MFSD2B: variants seen among roughly 807,000 people sequenced by gnomAD.
The protein encoded by MFSD2B is sphingosine-1-phosphate transporter MFSD2B.
Under a neutral mutation model 58.4 loss-of-function variants are expected in MFSD2B, and 56 were observed. That is an observed-to-expected ratio of 0.96 (90% CI 0.77 to 1.20). The LOEUF is 1.20. Ranked by LOEUF, MFSD2B falls within the 50% of genes most tolerant of loss-of-function variation. The pLI, the probability that MFSD2B is intolerant of heterozygous loss-of-function variation, is 0.00. For synonymous variants in MFSD2B, 287 were observed against 294.4 expected, an observed-to-expected ratio of 0.97 and a Z score of 0.26; for missense variants, 645 against 667.6, an observed-to-expected ratio of 0.97 and a Z score of 0.37.
rs547855112 is a variant in MFSD2B, at chr2:24,017,611, C to G, written c.681+23C>G. On this transcript the variant is annotated intron_variant, in intron 6 of 13. Transcript: ENST00000338315. The surrounding 1 kb of genome is among the most constrained non-coding windows in gnomAD (Gnocchi z 4.8). ...GCAGTAAGTGCACTGGGTGGCAAGGCCCCCCAACCTGGGGTCCCCTCTGCA... is the reference window on the plus strand; with the variant it reads ...GCAGTAAGTGCACTGGGTGGCAAGGGCCCCCAACCTGGGGTCCCCTCTGCA... The G allele has an allele frequency of 2.0e-6, 3 of 1,530,950 alleles. No homozygotes were observed. The highest frequency in any genetic ancestry group is 2.5e-5 in the South Asian group (2 of 81,162). 94.8% of individuals were successfully genotyped at this position (1,530,950 alleles called of 1,614,324 possible).
At position 24,025,604 on chromosome 2, in the gene MFSD2B, G is replaced by A. The variant is rs77944820; in HGVS notation, c.*148G>A. 0.076 allele frequency: 54,620 copies of A among 723,360 alleles called. 2,421 individuals carry two copies. Among genetic ancestry groups the A allele is most frequent in the South Asian group, 0.13 (8,015 of 60,016 alleles). The allele number at this position is 723,360 out of a possible 1,614,324, so 44.8% of individuals were successfully genotyped here. A position where few individuals can be genotyped will look rare whatever the true frequency, so the allele number is the denominator to read the frequency against. On this transcript the variant is annotated 3_prime_UTR_variant, in exon 14 of 14. Coordinates refer to ENST00000338315, the MANE Select transcript of MFSD2B (RefSeq NM_001346880.2). ...GGAGTCTTCGGCAACGTGTCCTGAAGGGACTGGCCCGCACTCCAGGACCCC... is the reference window on the plus strand; with the variant it reads ...GGAGTCTTCGGCAACGTGTCCTGAAAGGACTGGCCCGCACTCCAGGACCCC...
intron 1 of MFSD2B, chr2:24,013,083 T>G: frequency 2.4e-6 from 1 of 411,568 alleles, no homozygotes; most frequent in Non-Finnish European, 4.2e-6. Flanking sequence ...CCCCTGGAAA[T>G]GTTTAGAGGT....
rs1662797992 is a variant in MFSD2B at position 24,021,741 on chromosome 2, A to G, written c.772+3A>G. The G allele has an allele frequency of 6.2e-7, 1 of 1,613,214 alleles. No homozygotes were observed. Among genetic ancestry groups the G allele is most frequent in the Non-Finnish European group, 8.5e-7 (1 of 1,179,572 alleles). On this transcript the variant is annotated splice_donor_region_variant and intron_variant, in intron 7 of 13. Coordinates refer to ENST00000338315, the MANE Select transcript of MFSD2B (RefSeq NM_001346880.2). This position sits in a 1 kb window ranked among gnomAD's most constrained non-coding sequence, Gnocchi z 5.7. ...CCTAGGGGTGAAGGAGCGGCCAGGTATGGGGTTTGGTGAGGAGGGAAGCAG... is the reference window on the plus strand; with the variant it reads ...CCTAGGGGTGAAGGAGCGGCCAGGTGTGGGGTTTGGTGAGGAGGGAAGCAG...
At chr2:24,013,669 T>C (rs1053467519) in intron 2 of MFSD2B, among the ~76,000 whole-genome samples, 2 of 151,968 alleles carry the variant, frequency 1.3e-5, no homozygotes, top group East Asian at 1.9e-4. Context: ...AGCCACATAA[T>C]AGACCAAGCC....
At position 24,023,829 on chromosome 2, in the gene MFSD2B, G is replaced by A; in HGVS notation, c.1313+103G>A. On this transcript the variant is annotated intron_variant, in intron 12 of 13. Transcript: ENST00000338315. This position sits in a 1 kb window ranked among gnomAD's most constrained non-coding sequence, Gnocchi z 5.0. ...AGCTCAGGGCATCCATGAGCCTGGG[G>A]CCTAAGCGCTACTCTTTGGAGAGTG... The A allele has an allele frequency of 6.6e-6, 9 of 1,372,540 alleles. No homozygotes were observed. The South Asian group carries it at 9.0e-5, about 14-fold the overall frequency. 85.0% of individuals were successfully genotyped at this position (1,372,540 alleles called of 1,614,324 possible).
intron 2 of MFSD2B, among the ~76,000 whole-genome samples, chr2:24,014,793 G>A (rs185956551): frequency 4.1e-4 from 62 of 152,240 alleles, no homozygotes; most frequent in Middle Eastern, 3.4e-3. Flanking sequence ...GGGAATGATG[G>A]AGAATGGAGG....
At chr2:24,015,404 A>G (rs1709105758) in intron 2 of MFSD2B, among the ~76,000 whole-genome samples, 1 of 152,086 alleles carries the variant, frequency 6.6e-6, no homozygotes, top group Non-Finnish European at 1.5e-5. Flanking sequence ...GTGAGCCGAG[A>G]TGGTGCCACT....
chr2:24,017,409 C>A lies in MFSD2B; in HGVS notation c.550+45C>A. 6.3e-7 allele frequency: 1 copy of A among 1,597,094 alleles called. No homozygotes were observed. Among genetic ancestry groups the A allele is most frequent in the Non-Finnish European group, 8.5e-7 (1 of 1,172,174 alleles). On this transcript the variant is annotated intron_variant, in intron 5 of 13. Transcript: ENST00000338315. The surrounding 1 kb of genome is among the most constrained non-coding windows in gnomAD (Gnocchi z 4.8). The stretch of plus-strand genomic sequence containing the variant: ...TCGGGTTCCAGGGAGGCAACTGCCC[C>A]TGGGACCCCACTCCCTCTCAGTCAC...
chr2:24,018,637 A>T (rs1172757383), intron 6 of MFSD2B: 1 of 179,370 alleles, frequency 5.6e-6, no homozygotes, highest in Non-Finnish European at 1.2e-5. Context: ...GGGGAGGGGT[A>T]GCCATGATTT....
At position 24,012,529 on chromosome 2, in the gene MFSD2B, C is replaced by G. The variant is rs1708993866; in HGVS notation, c.97-756C>G. 6.6e-6 allele frequency among the ~76,000 whole-genome samples: 1 copy of G among 152,156 alleles called. No homozygotes were observed. The highest frequency in any genetic ancestry group is 6.6e-5 in the Admixed American group (1 of 15,264). ...AAAGTGCTGGGTTTATAGGGATGAG[C>G]CACTGTGCGATTTATGTTATTACAA... On this transcript the variant is annotated intron_variant, in intron 1 of 13. Coordinates refer to ENST00000338315, the MANE Select transcript of MFSD2B (RefSeq NM_001346880.2). This position sits in a 1 kb window ranked among gnomAD's most constrained non-coding sequence, Gnocchi z 4.5.
At position 24,022,411 on chromosome 2, in the gene MFSD2B, C is replaced by T; in HGVS notation, c.895-22C>T. The T allele has an allele frequency of 6.2e-7, 1 of 1,601,590 alleles. No individual in the cohort carries two copies. Among genetic ancestry groups the T allele is most frequent in the Non-Finnish European group, 8.5e-7 (1 of 1,171,064 alleles). ...GCTCCTGCCATGCCCTGCACATACC[C>T]ACTTCCTGTCCATCTCCTCAGGTGG... On this transcript the variant is annotated intron_variant, in intron 8 of 13. Coordinates refer to ENST00000338315, the MANE Select transcript of MFSD2B (RefSeq NM_001346880.2). This position sits in a 1 kb window ranked among gnomAD's most constrained non-coding sequence, Gnocchi z 4.5.
Position 24,023,656 on chromosome 2 carries a change from T to G in MFSD2B, c.1243T>G (p.Tyr415Asp), listed in dbSNP as rs774582500. 78 of 1,613,866 alleles carry G rather than the reference T, an allele frequency of 4.8e-5. No individual in the cohort carries two copies. The highest frequency in any genetic ancestry group is 6.4e-5 in the Non-Finnish European group (75 of 1,179,868). ...CGGGCCAGGCCTGGAGACCATCTTCTACTCCTCCTACGTCTTCTTCACCAA... is the reference window on the plus strand; with the variant it reads ...CGGGCCAGGCCTGGAGACCATCTTCGACTCCTCCTACGTCTTCTTCACCAA... ...RHGPGLETIF[Y>D]SSYVFFTKLS... The change falls in exon 12 of 14, where the codon TAC becomes GAC. Residue 415 changes from tyrosine (Y) to aspartate (D), a missense_variant. Physicochemically the swap from Tyr to Asp is radical, Grantham distance 160. Coordinates refer to ENST00000338315, the MANE Select transcript of MFSD2B (RefSeq NM_001346880.2). This position sits in a 1 kb window ranked among gnomAD's most constrained non-coding sequence, Gnocchi z 5.0.
chr2:24,020,669 G>A lies in MFSD2B; in HGVS notation c.682-979G>A, dbSNP rs190053021. Among the ~76,000 whole-genome samples the A allele has an allele frequency of 5.8e-4, 88 of 152,052 alleles. No homozygotes were observed. In the East Asian group the frequency reaches 0.013, roughly 22 times the overall value. On this transcript the variant is annotated intron_variant, in intron 6 of 13. Coordinates refer to ENST00000338315, the MANE Select transcript of MFSD2B (RefSeq NM_001346880.2). The surrounding 1 kb of genome is among the most constrained non-coding windows in gnomAD (Gnocchi z 4.1). ...CGACCTCCCAGACTCAAGCGATTCT[G>A]CCACCTCAGCCTCCCTAGTAGCTGG...
Position 24,017,618 on chromosome 2 carries a change from A to G in MFSD2B, c.681+30A>G, listed in dbSNP as rs1446065999. ...GTGCACTGGGTGGCAAGGCCCCCCA[A>G]CCTGGGGTCCCCTCTGCAGGGTCAC... On this transcript the variant is annotated intron_variant, in intron 6 of 13. Coordinates refer to ENST00000338315, the MANE Select transcript of MFSD2B (RefSeq NM_001346880.2). This position sits in a 1 kb window ranked among gnomAD's most constrained non-coding sequence, Gnocchi z 4.8. The G allele has an allele frequency of 6.6e-7, 1 of 1,526,472 alleles. No homozygotes were observed. The highest frequency in any genetic ancestry group is 8.8e-7 in the Non-Finnish European group (1 of 1,133,168). The allele number at this position is 1,526,472 out of a possible 1,614,324, so 94.6% of individuals were successfully genotyped here.
rs77883321 is a variant in MFSD2B at position 24,021,447 on chromosome 2, G to A, written c.682-201G>A. ...CCATGCAGGGAACACAGGGTCAGCA[G>A]AGGGGGTGTGTGGAAGGACCAGCCC... On this transcript the variant is annotated intron_variant, in intron 6 of 13. Transcript: ENST00000338315. The surrounding 1 kb of genome is among the most constrained non-coding windows in gnomAD (Gnocchi z 5.7). Among the ~76,000 whole-genome samples the A allele has an allele frequency of 0.079, 11,992 of 152,258 alleles. 555 individuals are homozygous for A. Among genetic ancestry groups the A allele is most frequent in the South Asian group, 0.14 (674 of 4,824 alleles).
At position 24,024,903 on chromosome 2, in the gene MFSD2B, T is replaced by G. The variant is rs1662924064; in HGVS notation, c.1491-529T>G. The stretch of plus-strand genomic sequence containing the variant: ...GACCCCACTGACGGGGAGGATCTAC[T>G]CACTGTCTGACCTTCCGGGGAGGCT... On this transcript the variant is annotated intron_variant, in intron 13 of 13. Coordinates refer to ENST00000338315, the MANE Select transcript of MFSD2B (RefSeq NM_001346880.2). The surrounding 1 kb of genome is among the most constrained non-coding windows in gnomAD (Gnocchi z 4.3). Among the ~76,000 whole-genome samples, 2 of 152,050 alleles carry G rather than the reference T, an allele frequency of 1.3e-5. No homozygotes were observed. The highest frequency in any genetic ancestry group is 2.1e-4 in the South Asian group (1 of 4,814).
rs1662795523 is a variant in MFSD2B at position 24,021,739 on chromosome 2, G to T, written c.772+1G>T. 6.2e-6 allele frequency: 10 copies of T among 1,613,410 alleles called. No homozygotes were observed. The highest frequency in any genetic ancestry group is 8.5e-6 in the Non-Finnish European group (10 of 1,179,648). On this transcript the variant is annotated splice_donor_variant, in intron 7 of 13. Transcript: ENST00000338315. LOFTEE classifies it high-confidence loss of function. This position sits in a 1 kb window ranked among gnomAD's most constrained non-coding sequence, Gnocchi z 5.7. ...TGCCTAGGGGTGAAGGAGCGGCCAG[G>T]TATGGGGTTTGGTGAGGAGGGAAGC...
In MFSD2B at chr2:24,021,645, C is replaced by G; in HGVS notation, c.682-3C>G. 1.2e-6 allele frequency: 2 copies of G among 1,611,542 alleles called. No individual in the cohort carries two copies. The highest frequency in any genetic ancestry group is 1.7e-6 in the Non-Finnish European group (2 of 1,178,854). On this transcript the variant is annotated splice_region_variant and splice_polypyrimidine_tract_variant and intron_variant, in intron 6 of 13. Transcript: ENST00000338315. This position sits in a 1 kb window ranked among gnomAD's most constrained non-coding sequence, Gnocchi z 5.7. Reference sequence around the variant, plus strand: ...CCCATCCCAGTCCTGTCCTGTCCCACAGGCCCATCTCTACTGCATTGCGGC... The same window carrying G: ...CCCATCCCAGTCCTGTCCTGTCCCAGAGGCCCATCTCTACTGCATTGCGGC...
At position 24,017,231 on chromosome 2, in the gene MFSD2B, G is replaced by A. The variant is rs115127918; in HGVS notation, c.472-55G>A. The A allele has an allele frequency of 2.5e-4, 381 of 1,523,080 alleles. No individual in the cohort carries two copies. In the African/African-American group the frequency reaches 4.5e-3, roughly 18 times the overall value. 94.3% of individuals were successfully genotyped at this position (1,523,080 alleles called of 1,614,324 possible). A position where few individuals can be genotyped will look rare whatever the true frequency, so the allele number is the denominator to read the frequency against. ...TGTGACACCCAGGATGGGGGAGGTC[G>A]CCCGCTGTCACCAGGCAAAGCTGGG... On this transcript the variant is annotated intron_variant, in intron 4 of 13. Transcript: ENST00000338315. The surrounding 1 kb of genome is among the most constrained non-coding windows in gnomAD (Gnocchi z 4.8).
Sources: gnomAD v4.1 joint callset for allele counts (sites outside exome capture counted in the v4.1 genomes callset) on GRCh38, gnomAD v4.1.1 for gene constraint, Gnocchi (gnomAD v3.1) non-coding constraint, MANE v1.5 for transcripts, NCBI Gene and HGNC (gene_info 2026-07-23, HGNC 2026-07-21) for gene names.